The following LRP1B variants were observed in gnomAD, a reference collection of about 807,000 sequenced individuals.
The protein encoded by LRP1B is LDL receptor related protein 1B.
LRP1B carries 217 observed loss-of-function variants against 556.6 expected under a neutral mutation model. The ratio of observed to expected loss-of-function variants is 0.39; its 90% CI spans 0.35 to 0.44. The LOEUF is 0.44. Ranked by LOEUF, LRP1B falls within the 20% of genes least tolerant of loss-of-function variation. The probability of loss-of-function intolerance (pLI) is 1.00; values close to 1 mark genes in which losing one functional copy is unlikely to be tolerated. For synonymous variants in LRP1B, 2,047 were observed against 1,865.8 expected (o/e 1.10, Z -2.50); for missense variants, 5,053 against 5,620.8 (o/e 0.90, Z 3.23).
chr2:141,565,681 G>A (rs1032905497), intron 2 of LRP1B, among the ~76,000 whole-genome samples: 3 of 152,182 alleles, frequency 2.0e-5, no homozygotes, highest in East Asian at 1.9e-4. Flanking sequence ...TTACGCATAC[G>A]CGTATATGAA....
At chr2:141,805,369 T>C (rs1377638590) in intron 2 of LRP1B, 1 of 152,080 alleles carries the variant, frequency 6.6e-6, no homozygotes, top group Non-Finnish European at 1.5e-5. Context: ...AGAAAACCCC[T>C]ATTCAGTTAA....
chr2:141,966,443 G>A (rs918678751), intron 1 of LRP1B, among the ~76,000 whole-genome samples: 1 of 151,920 alleles, frequency 6.6e-6, no homozygotes, highest in African/African-American at 2.4e-5. Flanking sequence ...AAAGGCTAGT[G>A]TGCCCAGAAC....
chr2:141,034,610 T>G (rs1176255296), intron 11 of LRP1B, among the ~76,000 whole-genome samples: 2 of 147,794 alleles, frequency 1.4e-5, no homozygotes, highest in Non-Finnish European at 2.9e-5. Context: ...GAAAAAATGC[T>G]CATCATCACT....
chr2:140,859,887 C>T (rs1171658008), intron 27 of LRP1B, among the ~76,000 whole-genome samples: 2 of 151,876 alleles, frequency 1.3e-5, no homozygotes, highest in East Asian at 1.9e-4. Flanking sequence ...CCCAGCTACT[C>T]GGGAGGCTGA....
At chr2:140,987,618 T>A (rs1414899611) in intron 17 of LRP1B, among the ~76,000 whole-genome samples, 1 of 152,140 alleles carries the variant, frequency 6.6e-6, no homozygotes, top group Non-Finnish European at 1.5e-5. Context: ...CCTTCTATTT[T>A]AAGGTGAAAA....
chr2:140,680,028 T>C (rs1685807060), intron 41 of LRP1B, among the ~76,000 whole-genome samples: 1 of 152,108 alleles, frequency 6.6e-6, no homozygotes, highest in African/African-American at 2.4e-5. Context: ...CCTAAGACAG[T>C]TCTTCCAATG....
chr2:140,627,730 A>G (rs1574160595), intron 41 of LRP1B, among the ~76,000 whole-genome samples: 3 of 152,288 alleles, frequency 2.0e-5, no homozygotes, highest in East Asian at 1.9e-4. Context: ...TTAATTATTT[A>G]TATATACAGA....
intron 6 of LRP1B, among the ~76,000 whole-genome samples, chr2:141,209,803 C>A (rs565861722): frequency 6.6e-6 from 1 of 152,142 alleles, no homozygotes; most frequent in Non-Finnish European, 1.5e-5. Context: ...CCCTCAAACT[C>A]ACAGACACAG....
chr2:140,612,990 CTCT>C (rs1683121193), intron 41 of LRP1B, among the ~76,000 whole-genome samples: 1 of 141,160 alleles, frequency 7.1e-6, no homozygotes, highest in Non-Finnish European at 1.6e-5. Context: ...AGCAAGTTAT[CTCT>C]TTTTTTTTCT....
chr2:141,981,786 CAG>C (rs1702048504), intron 1 of LRP1B, among the ~76,000 whole-genome samples: 1 of 152,180 alleles, frequency 6.6e-6, no homozygotes, highest in African/African-American at 2.4e-5. Flanking sequence ...AGTCCTTATA[CAG>C]AGGATATAAG....
chr2:140,277,978 G>A (rs1286252886), intron 84 of LRP1B, among the ~76,000 whole-genome samples: 5 of 151,540 alleles, frequency 3.3e-5, no homozygotes, highest in African/African-American at 9.7e-5. Context: ...AAATCCAAAT[G>A]TCTGTCCCAA....
intron 11 of LRP1B, among the ~76,000 whole-genome samples, chr2:141,034,123 T>G (rs1698459828): frequency 6.6e-6 from 1 of 152,156 alleles, no homozygotes; most frequent in Middle Eastern, 3.2e-3. Flanking sequence ...ATGGTGTTCC[T>G]CTTTCTCAAC....
At chr2:141,878,150 T>C (rs1698830493) in intron 1 of LRP1B, among the ~76,000 whole-genome samples, 1 of 151,940 alleles carries the variant, frequency 6.6e-6, no homozygotes, top group Non-Finnish European at 1.5e-5. Context: ...ACTTTTTTTT[T>C]CCTTTTCCTC....
chr2:141,525,917 TC>T (rs1684681457), intron 2 of LRP1B, among the ~76,000 whole-genome samples: 2 of 152,018 alleles, frequency 1.3e-5, no homozygotes, highest in African/African-American at 2.4e-5. Flanking sequence ...AGCTGGGTGT[TC>T]TTTGTTTTAT....
chr2:141,151,878 A>G (rs141820312), intron 7 of LRP1B, among the ~76,000 whole-genome samples: 98 of 152,218 alleles, frequency 6.4e-4, no homozygotes, highest in Non-Finnish European at 1.3e-3. Flanking sequence ...GAGAAAAATC[A>G]TTTTGGCTGT....
At chr2:141,948,143 C>G (rs1174669499) in intron 1 of LRP1B, among the ~76,000 whole-genome samples, 6 of 151,786 alleles carry the variant, frequency 4.0e-5, no homozygotes, top group African/African-American at 1.5e-4. Context: ...ACTGAATATA[C>G]AAAAAATTAG....
chr2:141,996,819 T>G (rs1320051550), intron 1 of LRP1B, among the ~76,000 whole-genome samples: 1 of 151,096 alleles, frequency 6.6e-6, no homozygotes, highest in African/African-American at 2.4e-5. Flanking sequence ...ATTTGAAAAA[T>G]AAATTACTAT....
At chr2:141,052,164 G>T (rs939664728) in intron 10 of LRP1B, among the ~76,000 whole-genome samples, 2 of 151,894 alleles carry the variant, frequency 1.3e-5, no homozygotes, top group African/African-American at 4.8e-5. Flanking sequence ...ACAGAATAAA[G>T]TACCTTAACA....
chr2:140,239,674 A>G (rs754591170), intron 87 of LRP1B, 142 bp from the exon 88 acceptor site: 3 of 515,526 alleles, frequency 5.8e-6, no homozygotes, highest in Admixed American at 3.8e-5. Context: ...CGGGTTCATA[A>G]TTATGTTATT....
Sources: gnomAD v4.1 joint callset for allele counts (sites outside exome capture counted in the v4.1 genomes callset) on GRCh38, gnomAD v4.1.1 for gene constraint, MANE v1.5 for transcripts, NCBI Gene and HGNC (gene_info 2026-07-23, HGNC 2026-07-21) for gene names.